PLCB1: variants seen among roughly 807,000 people sequenced by gnomAD.
The protein encoded by PLCB1 is 1-phosphatidylinositol 4,5-bisphosphate phosphodiesterase beta-1.
Under a neutral mutation model 161.8 loss-of-function variants are expected in PLCB1, and 46 were observed. The observed-to-expected ratio is 0.28, with a 90% confidence interval of 0.22 to 0.36. The LOEUF is 0.36. Ranked by LOEUF, PLCB1 falls within the 10% of genes least tolerant of loss-of-function variation. The pLI is 1.00. For missense variants in PLCB1, 1,016 were observed against 1,472.5 expected (o/e 0.69, Z 5.07); for synonymous variants, 517 against 503.7 (o/e 1.03, Z -0.35).
At chr20:8,611,430 A>C (rs1987900170) in intron 3 of PLCB1, among the ~76,000 whole-genome samples, 1 of 152,188 alleles carries the variant, frequency 6.6e-6, no homozygotes, top group Non-Finnish European at 1.5e-5. Context: ...AAAAGGCTTC[A>C]CTATAGTCAG....
intron 31 of PLCB1, among the ~76,000 whole-genome samples, chr20:8,836,372 C>G (rs1464874452): frequency 1.5e-5 from 2 of 137,462 alleles, no homozygotes; most frequent in East Asian, 2.5e-4. Context: ...TTCACTTGGT[C>G]TGAGTCTGAT....
At chr20:8,149,548 T>TA (rs1462809703) in intron 1 of PLCB1, among the ~76,000 whole-genome samples, 2 of 152,160 alleles carry the variant, frequency 1.3e-5, no homozygotes, top group Non-Finnish European at 2.9e-5. Context: ...TATGTCTCTC[T>TA]AAAAAATGCA....
chr20:8,562,499 C>T (rs906803504), intron 3 of PLCB1, among the ~76,000 whole-genome samples: 8 of 152,086 alleles, frequency 5.3e-5, no homozygotes, highest in Non-Finnish European at 8.8e-5. Flanking sequence ...GTGTTCCTTG[C>T]TGCCTATTTA....
chr20:8,537,807 G>A (rs1043293036), intron 3 of PLCB1, among the ~76,000 whole-genome samples: 2 of 151,886 alleles, frequency 1.3e-5, no homozygotes, highest in African/African-American at 4.8e-5. Context: ...ATTTGGAAAT[G>A]TTTAGTAGTA....
intron 3 of PLCB1, among the ~76,000 whole-genome samples, chr20:8,619,844 G>A (rs1383506244): frequency 6.6e-6 from 1 of 152,184 alleles, no homozygotes; most frequent in African/African-American, 2.4e-5. Context: ...ATTCCTAAAT[G>A]TGCACACAAA....
chr20:8,276,926 T>TTGC (rs1982577108), intron 2 of PLCB1, among the ~76,000 whole-genome samples: 4 of 104,772 alleles, frequency 3.8e-5, no homozygotes, highest in African/African-American at 1.4e-4. Flanking sequence ...GTCTTCTTCT[T>TTGC]TTCTTCTTCT....
chr20:8,543,635 A>AAAAAAAAC (rs1985423012), intron 3 of PLCB1, among the ~76,000 whole-genome samples: 11 of 150,022 alleles, frequency 7.3e-5, no homozygotes, highest in Non-Finnish European at 3.0e-5. Context: ...AAAAAAAAAA[A>AAAAAAAAC]CCTGTTGGAC....
intron 2 of PLCB1, among the ~76,000 whole-genome samples, chr20:8,284,869 T>G (rs927618086): frequency 1.2e-4 from 18 of 152,158 alleles, no homozygotes; most frequent in African/African-American, 2.4e-5. Flanking sequence ...TATGTTGTCT[T>G]CTTTCTTAGT....
intron 1 of PLCB1, among the ~76,000 whole-genome samples, chr20:8,146,597 T>C (rs2051456721): frequency 6.6e-6 from 1 of 152,236 alleles, no homozygotes; most frequent in African/African-American, 2.4e-5. Flanking sequence ...TATTATTGAC[T>C]TATATCAGTG....
At chr20:8,293,809 G>C (rs1017740588) in intron 2 of PLCB1, among the ~76,000 whole-genome samples, 1 of 152,140 alleles carries the variant, frequency 6.6e-6, no homozygotes, top group Admixed American at 6.5e-5. Flanking sequence ...ACTGGCCAGT[G>C]AAAGGGATAG....
chr20:8,287,084 G>A (rs1983156822), intron 2 of PLCB1, among the ~76,000 whole-genome samples: 1 of 151,968 alleles, frequency 6.6e-6, no homozygotes, highest in Admixed American at 6.6e-5. Context: ...GAGATTTAAA[G>A]GAATGTACTT....
At chr20:8,881,538 T>A (rs1204944937) in intron 31 of PLCB1, 84 bp from the exon 32 acceptor site, 1 of 972,138 alleles carries the variant, frequency 1.0e-6, no homozygotes, top group Non-Finnish European at 1.6e-6. Context: ...GCCCCTTTTG[T>A]ATATCTCTTT....
intron 3 of PLCB1, among the ~76,000 whole-genome samples, chr20:8,422,761 A>G (rs1330226382): frequency 6.6e-6 from 1 of 152,128 alleles, no homozygotes; most frequent in African/African-American, 2.4e-5. Context: ...CAGTGACTTC[A>G]TGGTCATGCC....
rs184078078 is a variant in PLCB1, at chr20:8,414,097, T to C, written c.246+42647T>C. Among the ~76,000 whole-genome samples the C allele has an allele frequency of 3.3e-5, 5 of 152,104 alleles. No homozygotes were observed. The East Asian group carries it at 9.6e-4, about 29-fold the overall frequency. On this transcript the variant is annotated intron_variant, in intron 3 of 31. Coordinates refer to ENST00000338037, the MANE Select transcript of PLCB1 (RefSeq NM_015192.4). ...ATGACTATATGAGTCAATAAAAAAGTATAATTTTCATTGAAAGGTAGATTG... is the reference window on the plus strand; with the variant it reads ...ATGACTATATGAGTCAATAAAAAAGCATAATTTTCATTGAAAGGTAGATTG...
At chr20:8,325,744 C>T (rs1040775701) in intron 2 of PLCB1, among the ~76,000 whole-genome samples, 3 of 152,158 alleles carry the variant, frequency 2.0e-5, no homozygotes, top group Non-Finnish European at 4.4e-5. Flanking sequence ...GACTCCACCT[C>T]TGGCTGTTCC....
intron 7 of PLCB1, among the ~76,000 whole-genome samples, chr20:8,650,962 A>G (rs1256739130): frequency 6.6e-6 from 1 of 152,174 alleles, no homozygotes; most frequent in African/African-American, 2.4e-5. Context: ...CCTGACACAC[A>G]CAAGGTACAT....
intron 2 of PLCB1, among the ~76,000 whole-genome samples, chr20:8,265,930 T>G (rs1011537465): frequency 6.6e-6 from 1 of 152,180 alleles, no homozygotes; most frequent in African/African-American, 2.4e-5. Context: ...GGACTAATTT[T>G]TATTGTAAAA....
chr20:8,542,780 G>C (rs939933314), intron 3 of PLCB1, among the ~76,000 whole-genome samples: 5 of 152,188 alleles, frequency 3.3e-5, no homozygotes, highest in Admixed American at 3.3e-4. Context: ...CCTTCGTTCA[G>C]ATCAGGGAAG....
At chr20:8,581,529 G>A (rs1986832882) in intron 3 of PLCB1, among the ~76,000 whole-genome samples, 2 of 152,170 alleles carry the variant, frequency 1.3e-5, no homozygotes, top group Admixed American at 1.3e-4. Flanking sequence ...AATTAGAATA[G>A]AGCTAAATGT....
Sources: gnomAD v4.1 joint callset for allele counts (sites outside exome capture counted in the v4.1 genomes callset) on GRCh38, gnomAD v4.1.1 for gene constraint, MANE v1.5 for transcripts, NCBI Gene and HGNC (gene_info 2026-07-23, HGNC 2026-07-21) for gene names.